Variants in ADGRL2 observed in about 807,000 individuals in gnomAD.
The protein encoded by ADGRL2 is calcium-independent alpha-latrotoxin receptor 2.
ADGRL2 carries 44 observed loss-of-function variants against 157.4 expected under a neutral mutation model. The ratio of observed to expected loss-of-function variants is 0.28; its 90% CI spans 0.22 to 0.36. ADGRL2 has a LOEUF of 0.36. ADGRL2 is among the 10% of genes least tolerant of loss of function. The probability of loss-of-function intolerance (pLI) is 1.00; values close to 1 mark genes in which losing one functional copy is unlikely to be tolerated. For missense variants in ADGRL2, 1,510 were observed against 1,768.9 expected (o/e 0.85, Z 2.63); for synonymous variants, 585 against 624.7 (o/e 0.94, Z 0.95).
Position 81,870,927 on chromosome 1 carries a change from A to AT in ADGRL2, c.73+33880dup, listed in dbSNP as rs58739101. 1.7e-3 allele frequency among the ~76,000 whole-genome samples: 236 copies of AT among 141,710 alleles called. 1 individual carries two copies. The highest frequency in any genetic ancestry group is 5.3e-3 in the African/African-American group (203 of 38,272). The allele number at this position is 141,710 out of a possible 152,430, so 93.0% of individuals were successfully genotyped here. A position where few individuals can be genotyped will look rare whatever the true frequency, so the allele number is the denominator to read the frequency against. On this transcript the variant is annotated intron_variant, in intron 2 of 23. Transcript: ENST00000686636. Reference sequence around the variant, plus strand: ...TAATCTTTCCTTTTTTTTTTTGAAGATTTTTTTTTTCTTTTTTTATTATTA... The same window carrying AT: ...TAATCTTTCCTTTTTTTTTTTGAAGATTTTTTTTTTTCTTTTTTTATTATTA...
At chr1:81,383,031 G>A (rs1459931742) in intron 1 of ADGRL2, among the ~76,000 whole-genome samples, 3 of 152,140 alleles carry the variant, frequency 2.0e-5, no homozygotes, top group South Asian at 2.1e-4. Flanking sequence ...GTCAGGCACT[G>A]CCTTAGTGTT....
intron 1 of ADGRL2, among the ~76,000 whole-genome samples, chr1:81,830,760 G>T (rs1291803168): frequency 6.6e-6 from 1 of 152,178 alleles, no homozygotes; most frequent in Non-Finnish European, 1.5e-5. Flanking sequence ...ACCCGCCTCT[G>T]CCTCCCAAAG....
chr1:81,385,154 T>A lies in ADGRL2; in HGVS notation c.-301-59882T>A, dbSNP rs77569481. On this transcript the variant is annotated intron_variant, in intron 1 of 24. Coordinates refer to the ADGRL2 transcript ENST00000370721. ...GAATACTTAAATTTTATCAATACTATTTCCACATTGTCTTTTATTATACAG... is the reference window on the plus strand; with the variant it reads ...GAATACTTAAATTTTATCAATACTAATTCCACATTGTCTTTTATTATACAG... Among the ~76,000 whole-genome samples the A allele has an allele frequency of 7.3e-3, 1,113 of 152,296 alleles. 18 individuals are homozygous for A. The highest frequency in any genetic ancestry group is 0.054 in the South Asian group (261 of 4,826).
chr1:81,308,216 T>A (rs1166072219), intron 1 of ADGRL2, among the ~76,000 whole-genome samples: 1 of 152,180 alleles, frequency 6.6e-6, no homozygotes, highest in Non-Finnish European at 1.5e-5. Context: ...AAACTGAGGC[T>A]TTCCAGGAAG....
intron 3 of ADGRL2, among the ~76,000 whole-genome samples, chr1:81,908,618 G>T (rs138754170): frequency 2.2e-3 from 328 of 152,198 alleles, no homozygotes; most frequent in Non-Finnish European, 3.5e-3. Context: ...AAGTACAATT[G>T]CTGGATTGTA....
intron 2 of ADGRL2, among the ~76,000 whole-genome samples, chr1:81,528,515 C>T (rs886302724): frequency 6.6e-6 from 1 of 151,980 alleles, no homozygotes; most frequent in East Asian, 1.9e-4. Flanking sequence ...GGCGCTGTGG[C>T]AGGCGCCTGT....
chr1:81,907,324 A>C, intron 3 of ADGRL2, 94 bp downstream of exon 3: 1 of 985,186 alleles, frequency 1.0e-6, no homozygotes, highest in South Asian at 1.4e-5. Context: ...TATAGACCAC[A>C]TCCCAGCCTA....
At chr1:81,364,936 T>G (rs2076040032) in intron 1 of ADGRL2, among the ~76,000 whole-genome samples, 1 of 152,102 alleles carries the variant, frequency 6.6e-6, no homozygotes. Context: ...AGTGCTGAGA[T>G]TACAGGCGTG....
At chr1:81,722,821 T>C (rs2084379241) in intron 1 of ADGRL2, 1 of 712,308 alleles carries the variant, frequency 1.4e-6, no homozygotes, top group East Asian at 2.5e-5. Context: ...TCACTATGGC[T>C]CTTTTCCAGG....
chr1:81,614,674 G>A (rs1171657559), intron 3 of ADGRL2, among the ~76,000 whole-genome samples: 1 of 152,012 alleles, frequency 6.6e-6, no homozygotes, highest in East Asian at 1.9e-4. Context: ...TGGGCGTATT[G>A]GAATGACATG....
At chr1:81,482,384 T>C (rs1472695766) in intron 2 of ADGRL2, among the ~76,000 whole-genome samples, 1 of 151,562 alleles carries the variant, frequency 6.6e-6, no homozygotes, top group Non-Finnish European at 1.5e-5. Flanking sequence ...AATACGTGTT[T>C]ATTATAGAAC....
At chr1:81,473,053 A>G (rs2078203336) in intron 2 of ADGRL2, among the ~76,000 whole-genome samples, 1 of 135,640 alleles carries the variant, frequency 7.4e-6, no homozygotes, top group Non-Finnish European at 1.7e-5. Context: ...CAATGGATCA[A>G]TGTAAGCAAA....
At chr1:81,843,595 C>T (rs949957286) in intron 2 of ADGRL2, among the ~76,000 whole-genome samples, 1 of 152,052 alleles carries the variant, frequency 6.6e-6, no homozygotes. Flanking sequence ...AATGCCTTTA[C>T]AAATTGTATG....
chr1:81,404,225 T>C (rs1322940041), intron 1 of ADGRL2, among the ~76,000 whole-genome samples: 2 of 152,214 alleles, frequency 1.3e-5, no homozygotes, highest in Non-Finnish European at 2.9e-5. Flanking sequence ...CTTGCCGCCA[T>C]CTACTAGCTG....
intron 3 of ADGRL2, among the ~76,000 whole-genome samples, chr1:81,660,554 C>T (rs2082629253): frequency 6.6e-6 from 1 of 152,098 alleles, no homozygotes; most frequent in Admixed American, 6.5e-5. Context: ...ACCAGTTCTC[C>T]CTGTGACACA....
At chr1:81,891,663 CT>C (rs1404572052) in intron 2 of ADGRL2, among the ~76,000 whole-genome samples, 1 of 151,982 alleles carries the variant, frequency 6.6e-6, no homozygotes, top group African/African-American at 2.4e-5. Context: ...TTTGTAAGCA[CT>C]TTTATGTAGA....
At chr1:81,950,043 T>C in intron 6 of ADGRL2, 146 bp from the exon 7 acceptor site, 1 of 686,138 alleles carries the variant, frequency 1.5e-6, no homozygotes, top group African/African-American at 1.8e-5. Context: ...AGCGATATTG[T>C]CAGTAATTCT....
chr1:81,761,663 T>C (rs1345956042), intron 1 of ADGRL2: 4 of 151,758 alleles, frequency 2.6e-5, no homozygotes, highest in Non-Finnish European at 5.9e-5. Context: ...AGTCATATAA[T>C]ATATGTTCAA....
intron 3 of ADGRL2, among the ~76,000 whole-genome samples, chr1:81,611,818 G>C (rs1051542305): frequency 5.9e-5 from 9 of 152,082 alleles, no homozygotes; most frequent in African/African-American, 1.7e-4. Context: ...CCCACGTGTT[G>C]AGGAAGGGAC....
Sources: allele counts gnomAD v4.1 joint callset (sites outside exome capture counted in the v4.1 genomes callset), GRCh38; gene constraint gnomAD v4.1.1; transcripts MANE v1.5; gene names NCBI Gene and HGNC (gene_info 2026-07-23, HGNC 2026-07-21).